RAB3C: variants seen among roughly 807,000 people sequenced by gnomAD.
The protein encoded by RAB3C is RAB3C, member RAS oncogene family.
Under a neutral mutation model 26.4 loss-of-function variants are expected in RAB3C, and 17 were observed. That is an observed-to-expected ratio of 0.64 (90% confidence interval 0.44 to 0.97). The LOEUF (loss-of-function observed/expected upper bound fraction) is 0.97, where lower values mean the gene tolerates loss of function less well. RAB3C is among the 50% of genes least tolerant of loss of function. The pLI is 0.00. For missense variants in RAB3C, 242 were observed against 281.9 expected, an observed-to-expected ratio of 0.86 and a Z score of 1.01; for synonymous variants, 91 against 95.9, an observed-to-expected ratio of 0.95 and a Z score of 0.30.
intron 3 of RAB3C, among the ~76,000 whole-genome samples, chr5:58,778,911 TTC>T (rs1742208727): frequency 6.6e-6 from 1 of 152,124 alleles, no homozygotes; most frequent in African/African-American, 2.4e-5. Context: ...CTACTGCAAC[TTC>T]TCTCTTTCCT....
intron 4 of RAB3C, among the ~76,000 whole-genome samples, chr5:58,834,941 CTG>C (rs1743702824): frequency 6.6e-6 from 1 of 152,140 alleles, no homozygotes. Flanking sequence ...TCCTCAGAAA[CTG>C]TCTGTTCCTT....
chr5:58,823,136 T>C (rs938286341), intron 3 of RAB3C: 1 of 400,154 alleles, frequency 2.5e-6, no homozygotes, highest in African/African-American at 2.1e-5. Context: ...TTACATGCAT[T>C]ACCTAATGGA....
intron 3 of RAB3C, among the ~76,000 whole-genome samples, chr5:58,776,394 C>A (rs190426995): frequency 6.6e-6 from 1 of 152,068 alleles, no homozygotes; most frequent in African/African-American, 2.4e-5. Flanking sequence ...CTCATCTGAG[C>A]CTATGCATCA....
At chr5:58,675,623 T>TC (rs1748209322) in intron 2 of RAB3C, among the ~76,000 whole-genome samples, 1 of 150,228 alleles carries the variant, frequency 6.7e-6, no homozygotes, top group East Asian at 1.9e-4. Flanking sequence ...GTCTTTTTTT[T>TC]TTTTTTTTTT....
chr5:58,828,036 G>T (rs1175235173), intron 4 of RAB3C, among the ~76,000 whole-genome samples: 1 of 152,170 alleles, frequency 6.6e-6, no homozygotes, highest in Non-Finnish European at 1.5e-5. Flanking sequence ...ATTGTGGATT[G>T]TTTTTTCTGT....
At chr5:58,730,552 A>G (rs1189485814) in intron 3 of RAB3C, among the ~76,000 whole-genome samples, 2 of 152,080 alleles carry the variant, frequency 1.3e-5, no homozygotes, top group Non-Finnish European at 2.9e-5. Context: ...TCTTAAGTGT[A>G]TAAAAAATAC....
chr5:58,729,106 C>T (rs899704213), intron 3 of RAB3C, among the ~76,000 whole-genome samples: 2 of 152,058 alleles, frequency 1.3e-5, no homozygotes, highest in African/African-American at 2.4e-5. Flanking sequence ...TCTGCACCCA[C>T]ACTACCCTGG....
intron 2 of RAB3C, among the ~76,000 whole-genome samples, chr5:58,621,361 C>T (rs1006670201): frequency 1.3e-5 from 2 of 152,132 alleles, no homozygotes; most frequent in African/African-American, 2.4e-5. Context: ...AGAGGCTAAG[C>T]GATTTGACCT....
At chr5:58,595,326 C>CT (rs1181337757) in intron 1 of RAB3C, among the ~76,000 whole-genome samples, 1 of 152,172 alleles carries the variant, frequency 6.6e-6, no homozygotes, top group Non-Finnish European at 1.5e-5. Flanking sequence ...ACTGGGCAGA[C>CT]TGGGCATTGT....
At chr5:58,828,117 G>C (rs1743531496) in intron 4 of RAB3C, among the ~76,000 whole-genome samples, 1 of 152,146 alleles carries the variant, frequency 6.6e-6, no homozygotes, top group Non-Finnish European at 1.5e-5. Flanking sequence ...AAAAATTCTT[G>C]TATGGCAGCT....
upstream of RAB3C, chr5:58,582,976 C>T (rs920425077): frequency 3.3e-6 from 4 of 1,206,656 alleles, no homozygotes; most frequent in African/African-American, 3.1e-5. Context: ...CACCGCTCGC[C>T]CGTTTGCCGG....
intron 2 of RAB3C, among the ~76,000 whole-genome samples, chr5:58,705,938 T>C (rs558528061): frequency 1.3e-5 from 2 of 152,318 alleles, no homozygotes; most frequent in South Asian, 2.1e-4. Flanking sequence ...CACCCCTTAC[T>C]TTCATATTGC....
intron 2 of RAB3C, among the ~76,000 whole-genome samples, chr5:58,712,686 G>T (rs1379218348): frequency 6.6e-6 from 1 of 152,004 alleles, no homozygotes; most frequent in Non-Finnish European, 1.5e-5. Context: ...CATGATGCCC[G>T]GCTAATTTTT....
intron 3 of RAB3C, among the ~76,000 whole-genome samples, chr5:58,810,833 G>A (rs1466970646): frequency 1.3e-5 from 2 of 152,190 alleles, no homozygotes; most frequent in Non-Finnish European, 2.9e-5. Context: ...CTGACTTCAA[G>A]TGATCCACCC....
At chr5:58,788,089 G>C (rs1002410811) in intron 3 of RAB3C, among the ~76,000 whole-genome samples, 3 of 152,238 alleles carry the variant, frequency 2.0e-5, no homozygotes, top group Admixed American at 6.5e-5. Context: ...CCAGTTCACT[G>C]TTTATTTCTT....
intron 3 of RAB3C, among the ~76,000 whole-genome samples, chr5:58,783,557 G>T (rs1333654034): frequency 2.6e-5 from 4 of 152,164 alleles, no homozygotes; most frequent in African/African-American, 9.6e-5. Context: ...ACCATTATTT[G>T]TATTTTAAGT....
rs571880887 is a variant in RAB3C at position 58,696,379 on chromosome 5, A to G, written c.253-29623A>G. Among the ~76,000 whole-genome samples the G allele has an allele frequency of 1.4e-3, 216 of 152,238 alleles. 1 individual carries two copies. Among genetic ancestry groups the G allele is most frequent in the African/African-American group, 4.9e-3 (203 of 41,546 alleles). On this transcript the variant is annotated intron_variant, in intron 2 of 4. Transcript: ENST00000282878. ...TATTTATCAGGGATATTGGTCTAAA[A>G]TTCTCTTTTTTTGTTGTATCTCTGC...
chr5:58,601,994 A>G (rs292978), intron 1 of RAB3C, among the ~76,000 whole-genome samples: 18,868 of 151,994 alleles, frequency 0.12, 1,519 homozygotes, highest in South Asian at 0.23. Flanking sequence ...TAAGGCTATG[A>G]ACTTTCCTCT....
intron 3 of RAB3C, among the ~76,000 whole-genome samples, chr5:58,759,209 T>C (rs1245344092): frequency 6.6e-6 from 1 of 152,202 alleles, no homozygotes; most frequent in Non-Finnish European, 1.5e-5. Context: ...CAGTGGTTAG[T>C]ACAGGGTCCT....
Sources: allele counts gnomAD v4.1 joint callset (sites outside exome capture counted in the v4.1 genomes callset), GRCh38; gene constraint gnomAD v4.1.1; transcripts MANE v1.5; gene names NCBI Gene and HGNC (gene_info 2026-07-23, HGNC 2026-07-21).